The following CTNNA3 variants were observed in gnomAD, a reference collection of about 807,000 sequenced individuals.
The protein encoded by CTNNA3 is catenin alpha 3.
In CTNNA3, 76 loss-of-function variants were observed where a neutral mutation model predicts 95.7. That is an observed-to-expected ratio of 0.79 (90% CI 0.66 to 0.96). The LOEUF (loss-of-function observed/expected upper bound fraction) is 0.96, where lower values mean the gene tolerates loss of function less well. Among genes scored for constraint, CTNNA3 ranks in the 40% least tolerant of loss-of-function variants. The probability of loss-of-function intolerance (pLI) is 0.00; values close to 1 mark genes in which losing one functional copy is unlikely to be tolerated. For synonymous variants in CTNNA3, 431 were observed against 374.4 expected (o/e 1.15, Z -1.74); for missense variants, 1,191 against 1,089.8 (o/e 1.09, Z -1.31).
At chr10:67,082,291 G>T (rs1857094442) in intron 7 of CTNNA3, among the ~76,000 whole-genome samples, 1 of 152,080 alleles carries the variant, frequency 6.6e-6, no homozygotes, top group African/African-American at 2.4e-5. Flanking sequence ...GTCCATCTGT[G>T]CTTTCTTCTC....
At chr10:66,410,138 A>G (rs934153585) in intron 11 of CTNNA3, among the ~76,000 whole-genome samples, 2 of 152,232 alleles carry the variant, frequency 1.3e-5, no homozygotes, top group Non-Finnish European at 2.9e-5. Context: ...CAGTAAATCT[A>G]TTCAGGAAAG....
Position 66,486,251 on chromosome 10 carries a change from G to C in CTNNA3, c.1531+34366C>G, listed in dbSNP as rs141674614. Reference sequence around the variant, plus strand: ...TCATTTGTACAGCAAGGAAACAACAGAGTGAAGAGACAACTGTGGAATGAA... The same window carrying C: ...TCATTTGTACAGCAAGGAAACAACACAGTGAAGAGACAACTGTGGAATGAA... On this transcript the variant is annotated intron_variant, in intron 11 of 17. Transcript: ENST00000433211. Among the ~76,000 whole-genome samples the C allele has an allele frequency of 5.9e-3, 903 of 152,264 alleles. 11 individuals are homozygous for C. Among genetic ancestry groups the C allele is most frequent in the African/African-American group, 0.021 (860 of 41,552 alleles).
chr10:67,154,849 G>T (rs1317461513), intron 7 of CTNNA3, among the ~76,000 whole-genome samples: 1 of 152,052 alleles, frequency 6.6e-6, no homozygotes, highest in East Asian at 1.9e-4. Context: ...GAATTCACGG[G>T]CACTGAGCTC....
chr10:66,339,174 A>G (rs1238196357), intron 12 of CTNNA3, among the ~76,000 whole-genome samples: 4 of 152,038 alleles, frequency 2.6e-5, no homozygotes. Flanking sequence ...AGTGAGCAAC[A>G]CATGGTAAGC....
At chr10:67,514,549 A>T (rs1360321225) in intron 5 of CTNNA3, among the ~76,000 whole-genome samples, 1 of 152,048 alleles carries the variant, frequency 6.6e-6, no homozygotes, top group Non-Finnish European at 1.5e-5. Context: ...TTTAAGTTTT[A>T]GGGTACATGT....
rs1275921429 is a variant in CTNNA3 at position 67,007,066 on chromosome 10, G to T, written c.1047+173251C>A. The stretch of plus-strand genomic sequence containing the variant: ...CCTGCTCAGCCTCCCAAAGTGCTGG[G>T]ATTACAGGCGTGAGCCACCACACCC... On this transcript the variant is annotated intron_variant, in intron 7 of 17. Coordinates refer to ENST00000433211, the MANE Select transcript of CTNNA3 (RefSeq NM_013266.4). Among the ~76,000 whole-genome samples the T allele has an allele frequency of 2.6e-5, 4 of 152,150 alleles. No individual in the cohort carries two copies. The East Asian group carries it at 7.7e-4, about 29-fold the overall frequency.
At chr10:66,335,511 C>T (rs2092384319) in intron 12 of CTNNA3, among the ~76,000 whole-genome samples, 1 of 152,060 alleles carries the variant, frequency 6.6e-6, no homozygotes, top group Non-Finnish European at 1.5e-5. Flanking sequence ...ACCCTCTTTG[C>T]CTGGGTATCA....
intron 17 of CTNNA3, among the ~76,000 whole-genome samples, chr10:65,946,881 T>G (rs1589158785): frequency 6.6e-6 from 1 of 152,300 alleles, no homozygotes; most frequent in East Asian, 1.9e-4. Context: ...GTTAAAGTTC[T>G]ATTCTGTACA....
chr10:67,151,311 C>T (rs1861081816), intron 7 of CTNNA3, among the ~76,000 whole-genome samples: 2 of 150,460 alleles, frequency 1.3e-5, no homozygotes, highest in Non-Finnish European at 2.9e-5. Context: ...TCAAATTTTC[C>T]AGCACTGTGC....
intron 5 of CTNNA3, among the ~76,000 whole-genome samples, chr10:67,517,717 A>AG (rs1188322394): frequency 6.6e-6 from 1 of 152,164 alleles, no homozygotes; most frequent in Non-Finnish European, 1.5e-5. Context: ...ATCAAGAGAT[A>AG]TCACCTTAGA....
At chr10:67,558,419 T>A (rs1311274197) in intron 3 of CTNNA3, among the ~76,000 whole-genome samples, 2 of 152,224 alleles carry the variant, frequency 1.3e-5, no homozygotes, top group African/African-American at 4.8e-5. Context: ...TCAATTCTAT[T>A]CTTCACTGAG....
intron 9 of CTNNA3, among the ~76,000 whole-genome samples, chr10:66,713,636 AT>A (rs1361551550): frequency 6.6e-6 from 1 of 152,040 alleles, no homozygotes; most frequent in Non-Finnish European, 1.5e-5. Flanking sequence ...ACAGAGTCTC[AT>A]TCTTGCTGTT....
At chr10:67,345,764 AT>A (rs1001650657) in intron 5 of CTNNA3, among the ~76,000 whole-genome samples, 7 of 151,758 alleles carry the variant, frequency 4.6e-5, no homozygotes, top group East Asian at 1.9e-4. Flanking sequence ...AATGGGTCTT[AT>A]TTTTTTATCC....
chr10:66,874,954 TAG>T (rs1844560039), intron 7 of CTNNA3, among the ~76,000 whole-genome samples: 1 of 152,164 alleles, frequency 6.6e-6, no homozygotes, highest in Non-Finnish European at 1.5e-5. Context: ...AGAAATACTT[TAG>T]CCAAGGTTCA....
intron 10 of CTNNA3, among the ~76,000 whole-genome samples, chr10:66,524,848 G>A (rs546353320): frequency 2.6e-5 from 4 of 152,108 alleles, no homozygotes; most frequent in Non-Finnish European, 5.9e-5. Context: ...TCAGGAGTGC[G>A]AGACCAGACT....
At chr10:67,517,497 C>T (rs1165265168) in intron 5 of CTNNA3, among the ~76,000 whole-genome samples, 2 of 151,984 alleles carry the variant, frequency 1.3e-5, no homozygotes, top group East Asian at 1.9e-4. Flanking sequence ...AGGGGTCACA[C>T]ACCCAGTTTA....
chr10:66,452,424 C>T (rs2093470488), intron 11 of CTNNA3, among the ~76,000 whole-genome samples: 1 of 152,046 alleles, frequency 6.6e-6, no homozygotes, highest in Admixed American at 6.6e-5. Flanking sequence ...TAAATCTGAC[C>T]TAAGTGACTC....
chr10:67,453,373 GA>G (rs922577311), intron 5 of CTNNA3, among the ~76,000 whole-genome samples: 2 of 152,140 alleles, frequency 1.3e-5, no homozygotes, highest in Non-Finnish European at 2.9e-5. Context: ...ATGCATTAGG[GA>G]AAAAATGTTG....
chr10:65,987,447 C>CAGGAAAAT (rs2078451631), intron 16 of CTNNA3, among the ~76,000 whole-genome samples: 1 of 151,932 alleles, frequency 6.6e-6, no homozygotes, highest in Admixed American at 6.6e-5. Context: ...CATTAATTGA[C>CAGGAAAAT]AGGAAAATGC....
Sources: allele counts gnomAD v4.1 joint callset (sites outside exome capture counted in the v4.1 genomes callset), GRCh38; gene constraint gnomAD v4.1.1; transcripts MANE v1.5; gene names NCBI Gene and HGNC (gene_info 2026-07-23, HGNC 2026-07-21).